The following DEFB134 variants were observed in gnomAD, a reference collection of about 807,000 sequenced individuals.
DEFB134 encodes defensin beta 134, also known as beta-defensin 134.
DEFB134 carries 7 observed loss-of-function variants against 7.4 expected under a neutral mutation model. That is an observed-to-expected ratio of 0.95 (90% CI 0.54 to 1.79). The LOEUF (loss-of-function observed/expected upper bound fraction) is 1.79. DEFB134 is among the 40% of genes most tolerant of loss of function. The pLI is 0.00. For synonymous variants in DEFB134, 33 were observed against 25.0 expected, an observed-to-expected ratio of 1.32 and a Z score of -0.96; for missense variants, 105 against 74.8, an observed-to-expected ratio of 1.40 and a Z score of -1.49.
intron 1 of DEFB134, among the ~76,000 whole-genome samples, chr8:11,995,958 C>CAAAAA (rs34837269): frequency 1.4e-5 from 2 of 139,892 alleles, no homozygotes; most frequent in African/African-American, 2.8e-5. Context: ...TCAGTTCAGC[C>CAAAAA]AAAAAAAAAA....
chr8:11,995,292 A>C (rs1296896354), intron 1 of DEFB134, among the ~76,000 whole-genome samples: 2 of 152,218 alleles, frequency 1.3e-5, no homozygotes, highest in African/African-American at 2.4e-5. Flanking sequence ...TTGCATCAGC[A>C]GCTTTAAGAG....
exon 2 of DEFB134, chr8:11,993,610 T>C (rs531467884): frequency 3.2e-4 from 53 of 167,524 alleles, no homozygotes; most frequent in Non-Finnish European, 5.5e-4. Flanking sequence ...AAATGGGAAA[T>C]GCGAAGCTGA....
upstream of DEFB134, among the ~76,000 whole-genome samples, chr8:12,000,230 T>C (rs1218445768): frequency 1.3e-5 from 2 of 152,184 alleles, no homozygotes; most frequent in Admixed American, 1.3e-4. Context: ...ACAGCACCCA[T>C]TCCTTTTTTT....
exon 2 of DEFB134, chr8:11,993,976 T>C (rs374322649): frequency 6.2e-7 from 1 of 1,610,904 alleles, no homozygotes; most frequent in South Asian, 1.1e-5. Flanking sequence ...ATTGGTTTCT[T>C]ATGTCAGGGT....
chr8:11,994,706 T>C (rs1800070512), intron 1 of DEFB134, among the ~76,000 whole-genome samples: 1 of 152,244 alleles, frequency 6.6e-6, no homozygotes, highest in Non-Finnish European at 1.5e-5. Flanking sequence ...TCATTCATTA[T>C]TTTTTAAATA....
chr8:11,994,126 G>A lies in DEFB134; in HGVS notation c.59-4C>T, dbSNP rs1181928754. 1.2e-6 allele frequency: 2 copies of A among 1,607,852 alleles called. No individual in the cohort carries two copies. Among genetic ancestry groups the A allele is most frequent in the African/African-American group, 2.7e-5 (2 of 74,608 alleles). The stretch of plus-strand genomic sequence containing the variant: ...TCTGATGATAATGAATTTATACCTG[G>A]AAGGAAAATGAATAGAAAGATAATT... On this transcript the variant is annotated splice_region_variant and splice_polypyrimidine_tract_variant and intron_variant, in intron 1 of 1. Transcript: ENST00000526438.
chr8:11,994,735 T>C (rs1056074675), intron 1 of DEFB134, among the ~76,000 whole-genome samples: 1 of 152,254 alleles, frequency 6.6e-6, no homozygotes. Context: ...CTCATTATTA[T>C]TCATAAACCA....
exon 2 of DEFB134, chr8:11,993,581 A>T (rs1276290183): frequency 2.5e-5 from 4 of 158,344 alleles, no homozygotes; most frequent in African/African-American, 9.6e-5. Context: ...CTGCTTCTCT[A>T]AAGTTGGGAA....
At chr8:11,998,559 T>C (rs747918263), upstream of DEFB134, among the ~76,000 whole-genome samples, 11 of 152,050 alleles carry the variant, frequency 7.2e-5, no homozygotes, top group Admixed American at 1.3e-4. Flanking sequence ...AAGAGGAACA[T>C]TTATAGCATG....
chr8:11,995,118 T>A (rs1051860928), intron 1 of DEFB134, among the ~76,000 whole-genome samples: 1 of 152,208 alleles, frequency 6.6e-6, no homozygotes, highest in African/African-American at 2.4e-5. Flanking sequence ...TCTGTAACAC[T>A]TTTGGGAAGA....
At chr8:11,993,187 T>C (rs1800022476) in exon 2 of DEFB134, 1 of 152,234 alleles carries the variant, frequency 6.6e-6, no homozygotes. Context: ...ATTTAGGCAG[T>C]TTATTAGTTA....
At chr8:11,996,170 C>A (rs751040237) in intron 1 of DEFB134, 24 bp downstream of exon 2, 2 of 1,612,766 alleles carry the variant, frequency 1.2e-6, no homozygotes, top group Non-Finnish European at 8.5e-7. Flanking sequence ...AGCACCCCTA[C>A]CCCCCAAAAT....
chr8:11,994,451 C>T lies in DEFB134; in HGVS notation c.59-329G>A, dbSNP rs144181331. On this transcript the variant is annotated intron_variant, in intron 1 of 1. Coordinates refer to ENST00000526438, the Ensembl canonical transcript of DEFB134. ...TTGATGGTCTTATTAGTGAAGGTCA[C>T]GGCAAAAAGATGGCCATCTACAAGC... Among the ~76,000 whole-genome samples the T allele has an allele frequency of 4.2e-4, 64 of 152,256 alleles. No individual in the cohort carries two copies. In the East Asian group the frequency reaches 7.5e-3, roughly 18 times the overall value.
At chr8:11,997,991 T>C (rs1454435993), upstream of DEFB134, among the ~76,000 whole-genome samples, 1 of 151,990 alleles carries the variant, frequency 6.6e-6, no homozygotes. Context: ...CCTTAACAAA[T>C]TAAAAAGAAC....
At chr8:11,997,986 A>G (rs1800170792), upstream of DEFB134, among the ~76,000 whole-genome samples, 2 of 152,212 alleles carry the variant, frequency 1.3e-5, no homozygotes, top group Admixed American at 1.3e-4. Flanking sequence ...GCAATCCTTA[A>G]CAAATTAAAA....
chr8:11,999,485 G>C (rs1360258819), upstream of DEFB134: 1 of 152,628 alleles, frequency 6.6e-6, no homozygotes, highest in African/African-American at 2.4e-5. Context: ...TGCTTACAAA[G>C]CCAAAGTTAA....
exon 2 of DEFB134, chr8:11,993,742 G>T (rs181784834): frequency 2.3e-6 from 1 of 429,316 alleles, no homozygotes; most frequent in Non-Finnish European, 4.0e-6. Flanking sequence ...TGGACATCAC[G>T]TTGAGGTGAG....
intron 1 of DEFB134, among the ~76,000 whole-genome samples, chr8:11,995,929 T>C (rs919082607): frequency 4.8e-5 from 7 of 145,666 alleles, no homozygotes; most frequent in Non-Finnish European, 1.5e-5. Flanking sequence ...ATGAAGAAAC[T>C]AAGGCTCATT....
At chr8:11,996,711 T>C (rs534299444), upstream of DEFB134, among the ~76,000 whole-genome samples, 72 of 152,326 alleles carry the variant, frequency 4.7e-4, no homozygotes, top group Non-Finnish European at 9.0e-4. Flanking sequence ...GAAAGTTTCA[T>C]TTATGCCTAG....
Sources: allele counts gnomAD v4.1 joint callset (sites outside exome capture counted in the v4.1 genomes callset), GRCh38; gene constraint gnomAD v4.1.1; transcripts MANE v1.5; gene names NCBI Gene and HGNC (gene_info 2026-07-23, HGNC 2026-07-21).